GABBR1: variants seen among roughly 807,000 people sequenced by gnomAD.
The protein encoded by GABBR1 is GABA-B receptor, R1 subunit.
A neutral mutation model predicts 117.7 loss-of-function variants in GABBR1; 35 were observed. That is an observed-to-expected ratio of 0.30 (90% CI 0.23 to 0.39). GABBR1 has a LOEUF of 0.39. Ranked by LOEUF, GABBR1 falls within the 10% of genes least tolerant of loss-of-function variation. GABBR1 has a pLI of 1.00. For missense variants in GABBR1, 709 were observed against 1,241.8 expected (o/e 0.57, Z 6.45); for synonymous variants, 442 against 486.6 (o/e 0.91, Z 1.21).
intron 11 of GABBR1, among the ~76,000 whole-genome samples, chr6:29,615,690 G>A (rs1001434399): frequency 1.3e-5 from 2 of 151,368 alleles, no homozygotes; most frequent in Non-Finnish European, 2.9e-5. Context: ...AGAGGCCAAC[G>A]CAGGAGGATT....
At position 29,621,139 on chromosome 6, in the gene GABBR1, T is replaced by C; in HGVS notation, c.1285A>G (p.Met429Val). 1 of 1,613,056 alleles carries C rather than the reference T, an allele frequency of 6.2e-7. No homozygotes were observed. The highest frequency in any genetic ancestry group is 2.2e-5 in the East Asian group (1 of 44,876). ...CTGCGGGTATTGGCAGGATTCAGCA[T>C]GACAATCTCAGTTGTGATGTGGCCC... is the stretch of plus-strand genomic sequence containing the variant. ...VEGHITTEIVMLNPANTRSIS... is the reference protein window; with the variant it reads ...VEGHITTEIVVLNPANTRSIS... The change falls in exon 11 of 23, where the codon ATG (methionine) becomes GTG (valine). Residue 429 changes from methionine to valine, a missense_variant. Transcript: ENST00000377034. The surrounding 1 kb of genome is among the most constrained non-coding windows in gnomAD (Gnocchi z 5.0).
chr6:29,612,168 ATTTTTTT>A (rs540730674), intron 13 of GABBR1, among the ~76,000 whole-genome samples: 1 of 137,596 alleles, frequency 7.3e-6, no homozygotes, highest in Non-Finnish European at 1.6e-5. Flanking sequence ...CACCCAGCTA[ATTTTTTT>A]TTTTTTTTTT....
In GABBR1 at chr6:29,632,379, G is replaced by A. The variant is rs756791125; in HGVS notation, c.7C>T (p.Leu3=). 7.5e-7 allele frequency: 1 copy of A among 1,342,100 alleles called. No homozygotes were observed. Among genetic ancestry groups the A allele is most frequent in the Non-Finnish European group, 9.6e-7 (1 of 1,041,080 alleles). 83.1% of individuals were successfully genotyped at this position (1,342,100 alleles called of 1,614,324 possible). ...AAGAGTGGCGCCAGTAGCAGCAGCA[G>A]CAACATCTAAGTGAGAGGCGGCCAT... The part of the protein sequence containing the change: ML[L]LLLLAPLFLR... The change falls in exon 2 of 23, where the codon CTG becomes TTG. Residue 3 remains leucine, a synonymous_variant. Transcript: ENST00000377034. The surrounding 1 kb of genome is among the most constrained non-coding windows in gnomAD (Gnocchi z 5.8).
At chr6:29,625,099 G>C (rs941190289) in intron 6 of GABBR1, among the ~76,000 whole-genome samples, 1 of 152,100 alleles carries the variant, frequency 6.6e-6, no homozygotes, top group African/African-American at 2.4e-5. Context: ...GGAGAAGGGG[G>C]AGCCAGGGGA....
rs1156754316 is a variant in GABBR1, at chr6:29,632,653, C to T, written c.-1+197G>A. The T allele has an allele frequency of 9.0e-6, 13 of 1,450,684 alleles. No homozygotes were observed. The highest frequency in any genetic ancestry group is 2.9e-5 in the African/African-American group (2 of 68,010). The allele number at this position is 1,450,684 out of a possible 1,614,324, so 89.9% of individuals were successfully genotyped here. ...CCTCTCACCACCTCCTCTCCCCCGGCCCCCGCGGCTCGCAGAAGCCTGGCT... is the reference window on the plus strand; with the variant it reads ...CCTCTCACCACCTCCTCTCCCCCGGTCCCCGCGGCTCGCAGAAGCCTGGCT... On this transcript the variant is annotated intron_variant, in intron 1 of 22. Transcript: ENST00000377034. The surrounding 1 kb of genome is among the most constrained non-coding windows in gnomAD (Gnocchi z 5.8).
At chr6:29,617,142 A>C (rs544741352) in intron 11 of GABBR1, among the ~76,000 whole-genome samples, 29 of 152,172 alleles carry the variant, frequency 1.9e-4, no homozygotes, top group African/African-American at 6.7e-4. Flanking sequence ...AAATAGTATG[A>C]AATGAAATTA....
rs774176235 is a variant in GABBR1 at position 29,630,554 on chromosome 6, C to A, written c.379G>T (p.Val127Leu). Reference sequence around the variant, plus strand: ...AAGTCGGGGTCACACCGGAAATCCACCCGGGCTCCGTCCAGAGCTGGGAGG... The same window carrying A: ...AAGTCGGGGTCACACCGGAAATCCAACCGGGCTCCGTCCAGAGCTGGGAGG... The part of the protein sequence containing the change: ...GDLPALDGAR[V>L]DFRCDPDFHL... Residue 127 changes from valine to leucine, a missense_variant, in exon 4 of 23, where the codon GTG becomes TTG. Coordinates refer to ENST00000377034, the MANE Select transcript of GABBR1 (RefSeq NM_001470.4). This position sits in a 1 kb window ranked among gnomAD's most constrained non-coding sequence, Gnocchi z 4.9. The A allele has an allele frequency of 1.2e-6, 2 of 1,613,098 alleles. No individual in the cohort carries two copies. Among genetic ancestry groups the A allele is most frequent in the African/African-American group, 1.3e-5 (1 of 75,050 alleles).
chr6:29,620,050 AG>A lies in GABBR1; in HGVS notation c.1323+1050del, dbSNP rs1383588837. Among the ~76,000 whole-genome samples, 9 of 152,326 alleles carry A rather than the reference AG, an allele frequency of 5.9e-5. No individual in the cohort carries two copies. In the South Asian group the frequency reaches 1.4e-3, roughly 25 times the overall value. ...AGATAAAAGTACAAACTTTTTAGTC[AG>A]GCTTCATGGTTTTCCATGGGAAGTG... On this transcript the variant is annotated intron_variant, in intron 11 of 22. Transcript: ENST00000377034. The surrounding 1 kb of genome is among the most constrained non-coding windows in gnomAD (Gnocchi z 4.5).
At position 29,621,981 on chromosome 6, in the gene GABBR1, C is replaced by A; in HGVS notation, c.1065+123G>T. 1 of 1,043,638 alleles carries A rather than the reference C, an allele frequency of 9.6e-7. No individual in the cohort carries two copies. Among genetic ancestry groups the A allele is most frequent in the East Asian group, 2.5e-5 (1 of 40,324 alleles). 64.6% of individuals were successfully genotyped at this position (1,043,638 alleles called of 1,614,324 possible). A position where few individuals can be genotyped will look rare whatever the true frequency, so the allele number is the denominator to read the frequency against. The stretch of plus-strand genomic sequence containing the variant: ...AACTGGAAGATGGAGCTAAACTTCC[C>A]CAGGAGATGCTATTGCCTCAGAGAA... On this transcript the variant is annotated intron_variant, in intron 9 of 22. Transcript: ENST00000377034. This position sits in a 1 kb window ranked among gnomAD's most constrained non-coding sequence, Gnocchi z 5.0.
chr6:29,621,959 T>C lies in GABBR1; in HGVS notation c.1066-142A>G. On this transcript the variant is annotated intron_variant, in intron 9 of 22. Transcript: ENST00000377034. This position sits in a 1 kb window ranked among gnomAD's most constrained non-coding sequence, Gnocchi z 5.0. ...CAACGTATAGTGAATAAACGTCAAC[T>C]GGAAGATGGAGCTAAACTTCCCCAG... is the stretch of plus-strand genomic sequence containing the variant. The C allele has an allele frequency of 1.9e-6, 2 of 1,036,312 alleles. No homozygotes were observed. The highest frequency in any genetic ancestry group is 2.9e-6 in the Non-Finnish European group (2 of 683,576). The allele number at this position is 1,036,312 out of a possible 1,614,324, so 64.2% of individuals were successfully genotyped here. A position where few individuals can be genotyped will look rare whatever the true frequency, so the allele number is the denominator to read the frequency against.
Position 29,603,308 on chromosome 6 carries a change from G to T in GABBR1, c.*235C>A. The T allele has an allele frequency of 1.4e-6, 1 of 692,444 alleles. No individual in the cohort carries two copies. Among genetic ancestry groups the T allele is most frequent in the Non-Finnish European group, 2.6e-6 (1 of 377,540 alleles). The allele number at this position is 692,444 out of a possible 1,614,324, so 42.9% of individuals were successfully genotyped here. ...CTTCAAGCCAGGTACGAACTAAATT[G>T]TGAAGAGGTGATACAAAATTACATG... On this transcript the variant is annotated 3_prime_UTR_variant, in exon 23 of 23. Transcript: ENST00000377034.
rs2127392669 is a variant in GABBR1, at chr6:29,606,549, TCA to T, written c.2218-67_2218-66del. ...CCTCCCCTCCTCTCCTCAACGCTTC[TCA>T]GTCTCTGGCTTCCAACTGTTTTCCT... On this transcript the variant is annotated intron_variant, in intron 18 of 22. Coordinates refer to ENST00000377034, the MANE Select transcript of GABBR1 (RefSeq NM_001470.4). This position sits in a 1 kb window ranked among gnomAD's most constrained non-coding sequence, Gnocchi z 4.5. 4 of 1,096,630 alleles carry T rather than the reference TCA, an allele frequency of 3.6e-6. No individual in the cohort carries two copies. The highest frequency in any genetic ancestry group is 2.0e-4 in the Middle Eastern group (1 of 5,098). The allele number at this position is 1,096,630 out of a possible 1,614,324, so 67.9% of individuals were successfully genotyped here. A position where few individuals can be genotyped will look rare whatever the true frequency, so the allele number is the denominator to read the frequency against.
chr6:29,613,679 G>A lies in GABBR1; in HGVS notation c.1324-194C>T, dbSNP rs762039357. Among the ~76,000 whole-genome samples, 1 of 152,230 alleles carries A rather than the reference G, an allele frequency of 6.6e-6. No individual in the cohort carries two copies. The highest frequency in any genetic ancestry group is 1.5e-5 in the Non-Finnish European group (1 of 68,034). ...CCTTAGATCGGAAGCTACTAGACTAGAGTAGGTATTAGCTGTGTCTGATGG... is the reference window on the plus strand; with the variant it reads ...CCTTAGATCGGAAGCTACTAGACTAAAGTAGGTATTAGCTGTGTCTGATGG... On this transcript the variant is annotated intron_variant, in intron 11 of 22. Transcript: ENST00000377034. This position sits in a 1 kb window ranked among gnomAD's most constrained non-coding sequence, Gnocchi z 4.1.
chr6:29,628,794 T>A (rs971873833), intron 5 of GABBR1, among the ~76,000 whole-genome samples: 3 of 152,052 alleles, frequency 2.0e-5, no homozygotes, highest in African/African-American at 7.2e-5. Flanking sequence ...CCCAGCACCC[T>A]GCCGCCCTCT....
Position 29,604,460 on chromosome 6 carries a change from C to T in GABBR1, c.2712+34G>A. 1 of 1,613,116 alleles carries T rather than the reference C, an allele frequency of 6.2e-7. No homozygotes were observed. The highest frequency in any genetic ancestry group is 1.6e-4 in the Middle Eastern group (1 of 6,062). ...GCTAAGACGCAAGCCTCCTGGACCACTCCAACACCCTACCCTGACACCCAC... is the reference window on the plus strand; with the variant it reads ...GCTAAGACGCAAGCCTCCTGGACCATTCCAACACCCTACCCTGACACCCAC... On this transcript the variant is annotated intron_variant, in intron 22 of 22. Transcript: ENST00000377034. This position sits in a 1 kb window ranked among gnomAD's most constrained non-coding sequence, Gnocchi z 5.3.
Position 29,629,115 on chromosome 6 carries a change from C to T in GABBR1, c.476-8G>A. Reference sequence around the variant, plus strand: ...AGTGTGGCGTTCGATTCACTGGCAGCAGGAAAGACGGGGATCAGAGAAGAG... The same window carrying T: ...AGTGTGGCGTTCGATTCACTGGCAGTAGGAAAGACGGGGATCAGAGAAGAG... On this transcript the variant is annotated splice_polypyrimidine_tract_variant and splice_region_variant and intron_variant, in intron 4 of 22. Transcript: ENST00000377034. The T allele has an allele frequency of 6.2e-7, 1 of 1,612,930 alleles. No homozygotes were observed.
At position 29,631,258 on chromosome 6, in the gene GABBR1, T is replaced by C. The variant is rs183265065; in HGVS notation, c.289+138A>G. 562 of 878,076 alleles carry C rather than the reference T, an allele frequency of 6.4e-4. 1 individual carries two copies. The highest frequency in any genetic ancestry group is 3.7e-3 in the African/African-American group (223 of 60,624). 54.4% of individuals were successfully genotyped at this position (878,076 alleles called of 1,614,324 possible). On this transcript the variant is annotated intron_variant, in intron 3 of 22. Coordinates refer to ENST00000377034, the MANE Select transcript of GABBR1 (RefSeq NM_001470.4). The surrounding 1 kb of genome is among the most constrained non-coding windows in gnomAD (Gnocchi z 5.9). ...ACCGCACAGAGCAAAATTGCTCTTA[T>C]GTAGTAGTCATTCAATAAATGTATT... is the stretch of plus-strand genomic sequence containing the variant.
chr6:29,623,272 T>C lies in GABBR1; in HGVS notation c.963+33A>G. ...CTCCTGGTGCTGGAATTTGAGCTTA[T>C]GTCCCTTTACCCCTTGCCCAACCCC... On this transcript the variant is annotated intron_variant, in intron 8 of 22. Coordinates refer to ENST00000377034, the MANE Select transcript of GABBR1 (RefSeq NM_001470.4). The surrounding 1 kb of genome is among the most constrained non-coding windows in gnomAD (Gnocchi z 6.2). 6.3e-7 allele frequency: 1 copy of C among 1,577,962 alleles called. No individual in the cohort carries two copies. The highest frequency in any genetic ancestry group is 2.3e-5 in the East Asian group (1 of 44,232).
At position 29,620,242 on chromosome 6, in the gene GABBR1, A is replaced by G. The variant is rs1763606955; in HGVS notation, c.1323+859T>C. On this transcript the variant is annotated intron_variant, in intron 11 of 22. Transcript: ENST00000377034. The surrounding 1 kb of genome is among the most constrained non-coding windows in gnomAD (Gnocchi z 4.5). Reference sequence around the variant, plus strand: ...CAGAGTTTTGCTGTTAGAATCCCTGAAATCATGAATCTAAGTACCACACAA... The same window carrying G: ...CAGAGTTTTGCTGTTAGAATCCCTGGAATCATGAATCTAAGTACCACACAA... 6.6e-6 allele frequency among the ~76,000 whole-genome samples: 1 copy of G among 152,236 alleles called. No homozygotes were observed. Among genetic ancestry groups the G allele is most frequent in the Admixed American group, 6.5e-5 (1 of 15,284 alleles).
Sources: allele counts gnomAD v4.1 joint callset (sites outside exome capture counted in the v4.1 genomes callset), GRCh38; gene constraint gnomAD v4.1.1; non-coding constraint Gnocchi (gnomAD v3.1); transcripts MANE v1.5; gene names NCBI Gene and HGNC (gene_info 2026-07-23, HGNC 2026-07-21).